The following ZNF680 variants were observed in gnomAD, a reference collection of about 807,000 sequenced individuals.
The protein encoded by ZNF680 is zinc finger protein 680, also known as hypothetical protein FLJ90430.
Under a neutral mutation model 12.1 loss-of-function variants are expected in ZNF680, and 6 were observed. That is an observed-to-expected ratio of 0.49 (90% CI 0.27 to 0.98). The LOEUF (loss-of-function observed/expected upper bound fraction) is 0.98. ZNF680 is among the 50% of genes least tolerant of loss of function. The pLI is 0.12. For synonymous variants in ZNF680, 170 were observed against 199.3 expected (o/e 0.85, Z 1.24); for missense variants, 561 against 616.3 (o/e 0.91, Z 0.95).
intron 1 of ZNF680, among the ~76,000 whole-genome samples, chr7:64,550,367 C>T (rs1272188512): frequency 5.9e-5 from 9 of 152,164 alleles, no homozygotes; most frequent in Non-Finnish European, 1.2e-4. Context: ...ACTGTGGTCT[C>T]ATTTTAATGT....
At chr7:64,540,225 C>A (rs1031339228) in intron 3 of ZNF680, among the ~76,000 whole-genome samples, 1 of 151,494 alleles carries the variant, frequency 6.6e-6, no homozygotes, top group African/African-American at 2.4e-5. Flanking sequence ...TAAGCCATAA[C>A]CAAAATGGAG....
At chr7:64,524,242 G>A (rs1399684727) in intron 3 of ZNF680, among the ~76,000 whole-genome samples, 1 of 151,406 alleles carries the variant, frequency 6.6e-6, no homozygotes, top group Admixed American at 6.6e-5. Context: ...CTGCCTTCCG[G>A]GTTCAAGCGA....
intron 1 of ZNF680, among the ~76,000 whole-genome samples, chr7:64,553,524 G>A (rs141087311): frequency 8.5e-5 from 13 of 152,276 alleles, no homozygotes; most frequent in Non-Finnish European, 1.5e-4. Flanking sequence ...GTGGCCTTGG[G>A]CACACTGTGT....
At chr7:64,522,564 T>C in intron 3 of ZNF680, 64 bp from the exon 4 acceptor site, 19 of 1,194,162 alleles carry the variant, frequency 1.6e-5, no homozygotes, top group Non-Finnish European at 1.8e-5. Flanking sequence ...ATTTTACATA[T>C]CAAATTTATA....
intron 3 of ZNF680, among the ~76,000 whole-genome samples, chr7:64,536,913 C>A (rs567636210): frequency 5.3e-5 from 8 of 150,896 alleles, no homozygotes; most frequent in East Asian, 2.0e-4. Context: ...TACAAATAAT[C>A]AAAAAAAATA....
At chr7:64,539,501 A>G (rs1584379011) in intron 3 of ZNF680, among the ~76,000 whole-genome samples, 1 of 152,136 alleles carries the variant, frequency 6.6e-6, no homozygotes, top group East Asian at 1.9e-4. Context: ...TCACACTCAT[A>G]AAAACAGAAA....
At chr7:64,508,471 C>T in the ZNF680 span, among the ~76,000 whole-genome samples, 1 of 152,148 alleles carries the variant, frequency 6.6e-6, no homozygotes, top group Non-Finnish European at 1.5e-5. Flanking sequence ...TAACACTAAT[C>T]ATGATCTAAC....
At chr7:64,530,077 T>C (rs1051158516) in intron 3 of ZNF680, among the ~76,000 whole-genome samples, 6 of 152,178 alleles carry the variant, frequency 3.9e-5, no homozygotes, top group Non-Finnish European at 5.9e-5. Context: ...AGGAAAGATA[T>C]AGTCTTTTTC....
chr7:64,507,579 G>A, the ZNF680 span, among the ~76,000 whole-genome samples: 8 of 150,770 alleles, frequency 5.3e-5, no homozygotes, highest in South Asian at 6.3e-4. Flanking sequence ...ATGGCTCACC[G>A]CAACCTCTGT....
At chr7:64,540,497 G>A (rs949142528) in intron 3 of ZNF680, among the ~76,000 whole-genome samples, 1 of 151,898 alleles carries the variant, frequency 6.6e-6, no homozygotes, top group Non-Finnish European at 1.5e-5. Context: ...TAGAGATGGG[G>A]CTTCACCATA....
At chr7:64,540,303 CTTTT>C (rs61265238) in intron 3 of ZNF680, among the ~76,000 whole-genome samples, 4 of 129,146 alleles carry the variant, frequency 3.1e-5, no homozygotes, top group Admixed American at 7.9e-5. Context: ...CTGATTTATC[CTTTT>C]TTTTTTTTTT....
chr7:64,527,109 G>C (rs771996851), intron 3 of ZNF680, among the ~76,000 whole-genome samples: 3 of 152,128 alleles, frequency 2.0e-5, no homozygotes, highest in Non-Finnish European at 2.9e-5. Context: ...GTGGTGGCAG[G>C]TGCCGGTAAT....
chr7:64,548,876 G>A (rs13243485), intron 1 of ZNF680, among the ~76,000 whole-genome samples: 30,958 of 151,846 alleles, frequency 0.2, 3,854 homozygotes, highest in Non-Finnish European at 0.29. Flanking sequence ...TAATCCAAGC[G>A]CTTTGGGAGG....
At chr7:64,513,876 C>A in the ZNF680 span, among the ~76,000 whole-genome samples, 1 of 152,006 alleles carries the variant, frequency 6.6e-6, no homozygotes, top group Admixed American at 6.6e-5. Flanking sequence ...GATTTCCTGA[C>A]CTCATGATCC....
rs1584345362 is a variant in ZNF680, at chr7:64,521,672, T to C, written c.1082A>G (p.Gln361Arg). 3 of 1,611,188 alleles carry C rather than the reference T, an allele frequency of 1.9e-6. No individual in the cohort carries two copies. The highest frequency in any genetic ancestry group is 2.5e-6 in the Non-Finnish European group (3 of 1,179,336). Residue 361 changes from glutamine (Q) to arginine (R), a missense_variant, in exon 4 of 4, where the codon CAG becomes CGG. By Grantham distance (43) the Gln-to-Arg change is conservative. Coordinates refer to ENST00000309683, the MANE Select transcript of ZNF680 (RefSeq NM_178558.5). Reference protein sequence around the residue: ...KCEECGKAFNQFANLTRHKKI... With the variant: ...KCEECGKAFNRFANLTRHKKI... ...CTTATGTCTAGTAAGGTTTGCAAAC[T>C]GGTTAAAAGCTTTGCCACATTCTTC... is the stretch of plus-strand genomic sequence containing the variant.
downstream of ZNF680, among the ~76,000 whole-genome samples, chr7:64,515,897 C>A (rs1295997208): frequency 6.6e-6 from 1 of 152,074 alleles, no homozygotes; most frequent in Non-Finnish European, 1.5e-5. Context: ...GCCAAGGTCC[C>A]AGGCCAAGCT....
In ZNF680 at chr7:64,546,265, T is replaced by C. The variant is rs186883142; in HGVS notation, c.31-1833A>G. ...TTTGGAATTCCTTCTCAGATGAGAT[T>C]CTCTGGACAAATTACACTTGTATCT... On this transcript the variant is annotated intron_variant, in intron 1 of 3. Transcript: ENST00000309683. Among the ~76,000 whole-genome samples the C allele has an allele frequency of 1.9e-4, 29 of 152,234 alleles. No individual in the cohort carries two copies. The East Asian group carries it at 5.4e-3, about 28-fold the overall frequency.
chr7:64,545,439 C>T (rs1457242978), intron 1 of ZNF680, among the ~76,000 whole-genome samples: 1 of 152,020 alleles, frequency 6.6e-6, no homozygotes, highest in Admixed American at 6.6e-5. Flanking sequence ...AAGATACTTA[C>T]TAATGAAAAG....
At position 64,523,150 on chromosome 7, in the gene ZNF680, T is replaced by C. The variant is rs1478436908; in HGVS notation, c.254-650A>G. Among the ~76,000 whole-genome samples, 3 of 152,218 alleles carry C rather than the reference T, an allele frequency of 2.0e-5. No individual in the cohort carries two copies. In the East Asian group the frequency reaches 5.8e-4, roughly 29 times the overall value. Reference sequence around the variant, plus strand: ...CATTATTATAATGGTGCACAAAATGTTAATTATTCTCTAAAATTTGAAAGA... The same window carrying C: ...CATTATTATAATGGTGCACAAAATGCTAATTATTCTCTAAAATTTGAAAGA... On this transcript the variant is annotated intron_variant, in intron 3 of 3. Transcript: ENST00000309683.
Sources: allele counts gnomAD v4.1 joint callset (sites outside exome capture counted in the v4.1 genomes callset), GRCh38; gene constraint gnomAD v4.1.1; transcripts MANE v1.5; gene names NCBI Gene and HGNC (gene_info 2026-07-23, HGNC 2026-07-21).